Variants in WNT16 observed in about 807,000 individuals in gnomAD.
WNT16 encodes the protein Wnt family member 16.
In WNT16, 20 loss-of-function variants were observed where a neutral mutation model predicts 35.4. The observed-to-expected ratio is 0.56, with a 90% CI of 0.40 to 0.82. The LOEUF (loss-of-function observed/expected upper bound fraction) is 0.82. WNT16 is among the 40% of genes least tolerant of loss of function. The pLI is 0.00. For missense variants in WNT16, 461 were observed against 466.0 expected (o/e 0.99, Z 0.10); for synonymous variants, 180 against 179.2 (o/e 1.00, Z -0.03).
At position 121,329,635 on chromosome 7, in the gene WNT16, G is replaced by T. The variant is rs148635373; in HGVS notation, c.164G>T (p.Arg55Leu). The part of the protein sequence containing the change: ...LGCANLPLNS[R>L]QKELCKRKPY... ...TGCGCCAATTTGCCGCTGAACAGCC[G>T]CCAGAAGGAGCTGTGCAAGAGGAAA... The change falls in exon 2 of 4, where the codon CGC becomes CTC. Residue 55 changes from arginine to leucine, a missense_variant. Transcript: ENST00000222462. 3 of 1,614,090 alleles carry T rather than the reference G, an allele frequency of 1.9e-6. No individual in the cohort carries two copies. The highest frequency in any genetic ancestry group is 1.3e-5 in the African/African-American group (1 of 74,940).
chr7:121,335,410 C>T (rs1793426160), intron 3 of WNT16, among the ~76,000 whole-genome samples: 1 of 152,042 alleles, frequency 6.6e-6, no homozygotes, highest in African/African-American at 2.4e-5. Flanking sequence ...TTAAATGCTA[C>T]CCTCCTGATT....
intron 3 of WNT16, among the ~76,000 whole-genome samples, chr7:121,338,565 G>T (rs1372786833): frequency 1.3e-5 from 2 of 152,126 alleles, no homozygotes; most frequent in African/African-American, 4.8e-5. Flanking sequence ...TTAGACCGGG[G>T]ATTAGAAATA....
Position 121,339,329 on chromosome 7 carries a change from T to G in WNT16, c.1082T>G (p.Val361Gly). Reference protein sequence around the residue: ...RCRRCESMTDVHTCK With the variant: ...RCRRCESMTDGHTCK ...AGGAGGTGTGAAAGCATGACTGATG[T>G]CCACACTTGCAAGTAACCACTCCAT... The change falls in exon 4 of 4, where the codon GTC (valine) becomes GGC (glycine). Residue 361 changes from valine (V) to glycine (G), a missense_variant. Transcript: ENST00000222462. The G allele has an allele frequency of 6.2e-7, 1 of 1,612,296 alleles. No homozygotes were observed. The highest frequency in any genetic ancestry group is 1.1e-5 in the South Asian group (1 of 91,038).
intron 2 of WNT16, among the ~76,000 whole-genome samples, chr7:121,330,448 A>G (rs936099130): frequency 6.6e-6 from 1 of 152,232 alleles, no homozygotes; most frequent in Non-Finnish European, 1.5e-5. Flanking sequence ...GCAGGAAAAC[A>G]AAGTTCCACT....
chr7:121,331,562 C>A, intron 2 of WNT16, 116 bp from the exon 3 acceptor site: 1 of 869,900 alleles, frequency 1.1e-6, no homozygotes, highest in Non-Finnish European at 1.7e-6. Flanking sequence ...GTTAACGCAT[C>A]CATTGTAAGC....
In WNT16 at chr7:121,329,714, C is replaced by A; in HGVS notation, c.243C>A (p.Cys81Ter). ...REGARLGIQECGSQFRHERWN... is the reference protein window; with the variant it reads ...REGARLGIQE ...GCGCCCGGCTGGGCATTCAGGAGTG[C>A]GGGAGCCAGTTCAGACACGAGAGAT... is the stretch of plus-strand genomic sequence containing the variant. Residue 81 changes from cysteine to a stop codon, truncating the protein, a stop_gained, in exon 2 of 4, where the codon TGC (cysteine) becomes TGA (stop). Coordinates refer to ENST00000222462, the MANE Select transcript of WNT16 (RefSeq NM_057168.2). LOFTEE classifies it high-confidence loss of function. The A allele has an allele frequency of 6.2e-7, 1 of 1,613,170 alleles. No individual in the cohort carries two copies. The highest frequency in any genetic ancestry group is 8.5e-7 in the Non-Finnish European group (1 of 1,179,868).
chr7:121,329,864 C>A, intron 2 of WNT16, 47 bp downstream of exon 2: 1 of 1,533,160 alleles, frequency 6.5e-7, no homozygotes, highest in Non-Finnish European at 8.9e-7. Context: ...AAGGCGACAA[C>A]TCCTCCACCG....
intron 3 of WNT16, 54 bp downstream of exon 3, chr7:121,332,018 AG>A: frequency 6.3e-7 from 1 of 1,583,596 alleles, no homozygotes; most frequent in Non-Finnish European, 8.6e-7. Flanking sequence ...GTAAATAACT[AG>A]GATTACACAT....
At position 121,331,692 on chromosome 7, in the gene WNT16, G is replaced by A. The variant is rs747240024; in HGVS notation, c.361G>A (p.Ala121Thr). The A allele has an allele frequency of 1.2e-6, 2 of 1,608,030 alleles. No homozygotes were observed. Among genetic ancestry groups the A allele is most frequent in the East Asian group, 2.2e-5 (1 of 44,694 alleles). ...YELSSGTKET[A>T]FIYAVMAAGL... ...ATTTTTTCTAGGCACCAAAGAGACAGCATTTATTTATGCTGTGATGGCTGC... is the reference window on the plus strand; with the variant it reads ...ATTTTTTCTAGGCACCAAAGAGACAACATTTATTTATGCTGTGATGGCTGC... Residue 121 changes from alanine to threonine, a missense_variant, in exon 3 of 4, where the codon GCA becomes ACA. Ala to Thr is a moderately conservative substitution (Grantham distance 58). Transcript: ENST00000222462.
chr7:121,325,380 C>T (rs1464609154), upstream of WNT16: 50 of 1,603,514 alleles, frequency 3.1e-5, no homozygotes, highest in Non-Finnish European at 4.1e-5. Context: ...CTGCAAAAAC[C>T]ACAGAGGGCA....
rs772492425 is a variant in WNT16 at position 121,339,394 on chromosome 7, T to C, written c.*49T>C. 3 of 1,541,196 alleles carry C rather than the reference T, an allele frequency of 1.9e-6. No individual in the cohort carries two copies. The highest frequency in any genetic ancestry group is 2.6e-6 in the Non-Finnish European group (3 of 1,136,674). ...GATGCCTCAGCAATATACAATGGCA[T>C]TGCAACCAGAGAGGTGCCCATCCCT... On this transcript the variant is annotated 3_prime_UTR_variant, in exon 4 of 4. Coordinates refer to ENST00000222462, the MANE Select transcript of WNT16 (RefSeq NM_057168.2).
chr7:121,325,538 A>T, upstream of WNT16: 1 of 1,540,394 alleles, frequency 6.5e-7, no homozygotes. Context: ...CAATGGAGAG[A>T]TCTGTGAATT....
In WNT16 at chr7:121,329,243, AG is replaced by A; in HGVS notation, c.-45del. 2 of 1,491,174 alleles carry A rather than the reference AG, an allele frequency of 1.3e-6. No individual in the cohort carries two copies. The highest frequency in any genetic ancestry group is 1.8e-6 in the Non-Finnish European group (2 of 1,119,634). The allele number at this position is 1,491,174 out of a possible 1,614,324, so 92.4% of individuals were successfully genotyped here. ...CCTGCGGCCCGAAGGGCCTCTGGGGAGGGGGTGCAAAAGAGGAGCGGCTGGG... is the reference window on the plus strand; with the variant it reads ...CCTGCGGCCCGAAGGGCCTCTGGGGAGGGGTGCAAAAGAGGAGCGGCTGGG... On this transcript the variant is annotated 5_prime_UTR_variant, in exon 1 of 4. Transcript: ENST00000222462.
upstream of WNT16, chr7:121,325,617 A>G: frequency 1.3e-6 from 1 of 743,300 alleles, no homozygotes; most frequent in South Asian, 2.1e-5. Context: ...GAGTTTTAAG[A>G]TTTGGGGATT....
chr7:121,328,569 A>G (rs934845775), upstream of WNT16, among the ~76,000 whole-genome samples: 1 of 152,090 alleles, frequency 6.6e-6, no homozygotes, highest in African/African-American at 2.4e-5. Flanking sequence ...TTCGGTACCA[A>G]CTCTGACTCA....
intron 2 of WNT16, 30 bp from the exon 3 acceptor site, chr7:121,331,648 C>G (rs1045607812): frequency 1.9e-5 from 31 of 1,592,806 alleles, no homozygotes; most frequent in Non-Finnish European, 2.6e-5. Context: ...TTGCCTGGTT[C>G]TCTAATTTAG....
rs747618226 is a variant in WNT16, at chr7:121,329,368, G to C, written c.76G>C (p.Gly26Arg). Residue 26 changes from glycine (G) to arginine (R), a missense_variant, in exon 1 of 4, where the codon GGA becomes CGA. Gly to Arg is a moderately radical substitution (Grantham distance 125). Transcript: ENST00000222462. ...WAALLVLFPYGAQGNWMWLGI... is the reference protein window; with the variant it reads ...WAALLVLFPYRAQGNWMWLGI... ...AGCCCTGCTCGTGCTGTTCCCCTAC[G>C]GAGCCCAAGGAAACTGGATGTGAGT... 2 of 1,610,634 alleles carry C rather than the reference G, an allele frequency of 1.2e-6. No homozygotes were observed. The highest frequency in any genetic ancestry group is 3.4e-5 in the Admixed American group (2 of 59,464).
chr7:121,336,382 T>C (rs1793446760), intron 3 of WNT16, among the ~76,000 whole-genome samples: 1 of 152,070 alleles, frequency 6.6e-6, no homozygotes, highest in Non-Finnish European at 1.5e-5. Context: ...AAAGTTTAAA[T>C]TGTCATCACT....
rs765884722 is a variant in WNT16 at position 121,339,065 on chromosome 7, A to T, written c.818A>T (p.Asp273Val). 3.7e-6 allele frequency: 6 copies of T among 1,614,208 alleles called. No individual in the cohort carries two copies. Among genetic ancestry groups the T allele is most frequent in the Middle Eastern group, 3.3e-4 (2 of 6,062 alleles). The change falls in exon 4 of 4, where the codon GAT (aspartate) becomes GTT (valine). Residue 273 changes from aspartate (D) to valine (V), a missense_variant. By Grantham distance (152) the Asp-to-Val change is radical. Coordinates refer to ENST00000222462, the MANE Select transcript of WNT16 (RefSeq NM_057168.2). ...TKRKMRRREKDQRKIPIHKDD... is the reference protein window; with the variant it reads ...TKRKMRRREKVQRKIPIHKDD... ...AGGAAAATGCGCAGGAGAGAAAAAG[A>T]TCAGAGGAAAATACCAATCCATAAG...
Sources: gnomAD v4.1 joint callset for allele counts (sites outside exome capture counted in the v4.1 genomes callset) on GRCh38, gnomAD v4.1.1 for gene constraint, MANE v1.5 for transcripts, NCBI Gene and HGNC (gene_info 2026-07-23, HGNC 2026-07-21) for gene names.